Variants in PSMD14 observed in about 807,000 individuals in gnomAD.
PSMD14 encodes proteasome 26S subunit, non-ATPase 14.
PSMD14 carries 7 observed loss-of-function variants against 41.2 expected under a neutral mutation model. The ratio of observed to expected loss-of-function variants is 0.17; its 90% CI spans 0.10 to 0.32. PSMD14 has a LOEUF of 0.32. Among genes scored for constraint, PSMD14 ranks in the 10% least tolerant of loss-of-function variants. The pLI is 1.00. For synonymous variants in PSMD14, 114 were observed against 122.3 expected, an observed-to-expected ratio of 0.93 and a Z score of 0.45; for missense variants, 139 against 375.6, an observed-to-expected ratio of 0.37 and a Z score of 5.21.
chr2:161,390,406 C>A (rs1683696293), intron 8 of PSMD14, among the ~76,000 whole-genome samples: 1 of 152,088 alleles, frequency 6.6e-6, no homozygotes, highest in Non-Finnish European at 1.5e-5. Context: ...TTGATGTTGT[C>A]AGAGTTAGAT....
At chr2:161,328,539 C>G (rs1023083564) in intron 3 of PSMD14, among the ~76,000 whole-genome samples, 2 of 152,022 alleles carry the variant, frequency 1.3e-5, no homozygotes, top group African/African-American at 4.8e-5. Context: ...CATATCTGCA[C>G]CATTCAATAC....
In PSMD14 at chr2:161,393,816, G is replaced by A. The variant is rs183653107; in HGVS notation, c.646-1262G>A. The stretch of plus-strand genomic sequence containing the variant: ...GTAGGGTAGGACTTTAAGAAAAACC[G>A]TCTTAAAATATAAACTTGAAAACTT... On this transcript the variant is annotated intron_variant, in intron 9 of 11. Transcript: ENST00000409682. Among the ~76,000 whole-genome samples the A allele has an allele frequency of 4.7e-4, 72 of 151,870 alleles. 1 individual carries two copies. In the East Asian group the frequency reaches 5.2e-3, roughly 11 times the overall value.
intron 3 of PSMD14, among the ~76,000 whole-genome samples, chr2:161,323,418 C>T (rs1247991486): frequency 6.6e-6 from 1 of 152,112 alleles, no homozygotes; most frequent in African/African-American, 2.4e-5. Flanking sequence ...AATCTCAGCC[C>T]TTTGGGAGAC....
chr2:161,310,120 C>A (rs577660905), intron 1 of PSMD14, among the ~76,000 whole-genome samples: 4 of 152,168 alleles, frequency 2.6e-5, no homozygotes, highest in African/African-American at 9.6e-5. Context: ...AACTGCACTC[C>A]AGCTTGGGCA....
chr2:161,375,634 T>G lies in PSMD14; in HGVS notation c.462+4312T>G, dbSNP rs533252262. ...TTGTTCATTCTTTTTTCCACAGATA[T>G]TAGAATGTAAAATGAGTGCTTTGAT... On this transcript the variant is annotated intron_variant, in intron 7 of 11. Transcript: ENST00000409682. Among the ~76,000 whole-genome samples, 9 of 152,066 alleles carry G rather than the reference T, an allele frequency of 5.9e-5. No homozygotes were observed. In the East Asian group the frequency reaches 1.6e-3, roughly 26 times the overall value.
intron 10 of PSMD14, among the ~76,000 whole-genome samples, chr2:161,402,361 T>C (rs144444193): frequency 1.3e-5 from 2 of 152,284 alleles, no homozygotes; most frequent in East Asian, 3.9e-4. Flanking sequence ...TAGAAAGGCA[T>C]GTGTGGTGGC....
chr2:161,408,618 T>C, intron 10 of PSMD14: 2 of 467,238 alleles, frequency 4.3e-6, no homozygotes, highest in South Asian at 2.2e-5. Context: ...TTCAATACTT[T>C]CTGTGTATTT....
At chr2:161,391,830 C>T (rs1446785205) in intron 9 of PSMD14, among the ~76,000 whole-genome samples, 1 of 152,098 alleles carries the variant, frequency 6.6e-6, no homozygotes, top group Non-Finnish European at 1.5e-5. Context: ...AACTCCTGTG[C>T]TCAAGTGATC....
At chr2:161,314,935 T>C (rs1689131128) in intron 1 of PSMD14, among the ~76,000 whole-genome samples, 1 of 152,154 alleles carries the variant, frequency 6.6e-6, no homozygotes, top group Non-Finnish European at 1.5e-5. Flanking sequence ...ATGAGTGGAG[T>C]TGCTGGATCG....
intron 7 of PSMD14, among the ~76,000 whole-genome samples, chr2:161,371,907 G>A (rs995595700): frequency 3.3e-5 from 5 of 151,516 alleles, no homozygotes; most frequent in African/African-American, 1.2e-4. Flanking sequence ...ATAGTTCTTT[G>A]TTGAAACCCC....
chr2:161,402,366 G>A, intron 10 of PSMD14, among the ~76,000 whole-genome samples: 1 of 152,256 alleles, frequency 6.6e-6, no homozygotes, highest in Non-Finnish European at 1.5e-5. Context: ...AGGCATGTGT[G>A]GTGGCACATG....
intron 7 of PSMD14, chr2:161,385,165 G>A (rs1179835007): frequency 5.5e-6 from 1 of 180,866 alleles, no homozygotes; most frequent in Non-Finnish European, 1.1e-5. Flanking sequence ...GCACACCAGT[G>A]AAAGCTGTTT....
At chr2:161,371,444 C>A in intron 7 of PSMD14, 122 bp downstream of exon 7, 5 of 989,360 alleles carry the variant, frequency 5.1e-6, no homozygotes, top group Admixed American at 3.1e-5. Flanking sequence ...TGTCTGTTTA[C>A]TTAAAAAACA....
intron 1 of PSMD14, among the ~76,000 whole-genome samples, chr2:161,314,531 T>G (rs1329370269): frequency 6.6e-6 from 1 of 152,214 alleles, no homozygotes; most frequent in Non-Finnish European, 1.5e-5. Flanking sequence ...CTTAGCAATT[T>G]AGCACTTTCT....
chr2:161,384,345 G>A (rs1368472495), intron 7 of PSMD14: 1 of 151,456 alleles, frequency 6.6e-6, no homozygotes, highest in Non-Finnish European at 1.5e-5. Flanking sequence ...TTTAAATCTT[G>A]TTCTTTAGCA....
chr2:161,373,075 T>TA (rs1168843160), intron 7 of PSMD14, among the ~76,000 whole-genome samples: 1 of 151,840 alleles, frequency 6.6e-6, no homozygotes, highest in Non-Finnish European at 1.5e-5. Context: ...TTGTAATGTT[T>TA]AAAATGGCAA....
chr2:161,402,735 C>T (rs1306120547), intron 10 of PSMD14, among the ~76,000 whole-genome samples: 1 of 151,534 alleles, frequency 6.6e-6, no homozygotes, highest in Non-Finnish European at 1.5e-5. Flanking sequence ...TCTTGCAATG[C>T]AGCAACAAGA....
chr2:161,341,857 AAAATT>A (rs1419930574), intron 3 of PSMD14, among the ~76,000 whole-genome samples: 1 of 135,292 alleles, frequency 7.4e-6, no homozygotes, highest in African/African-American at 2.8e-5. Flanking sequence ...AAAAAAAATT[AAAATT>A]AAAAAAAATA....
At chr2:161,336,532 C>T (rs1682872988) in intron 3 of PSMD14, among the ~76,000 whole-genome samples, 1 of 152,048 alleles carries the variant, frequency 6.6e-6, no homozygotes, top group Non-Finnish European at 1.5e-5. Context: ...GTAAACTTTG[C>T]AACTTGATTC....
Sources: gnomAD v4.1 joint callset for allele counts (sites outside exome capture counted in the v4.1 genomes callset) on GRCh38, gnomAD v4.1.1 for gene constraint, MANE v1.5 for transcripts, NCBI Gene and HGNC (gene_info 2026-07-23, HGNC 2026-07-21) for gene names.